Variants in ZNF276 observed in about 807,000 individuals in gnomAD.
ZNF276 encodes the protein zinc finger protein 276.
In ZNF276, 59 loss-of-function variants were observed where a neutral mutation model predicts 63.9. The observed-to-expected ratio is 0.92, with a 90% CI of 0.75 to 1.15. ZNF276 has a LOEUF of 1.15. Among genes scored for constraint, ZNF276 ranks in the 50% most tolerant of loss-of-function variants. ZNF276 has a pLI of 0.00. For missense variants in ZNF276, 1,084 were observed against 843.8 expected (o/e 1.28, Z -3.53); for synonymous variants, 496 against 348.4 (o/e 1.42, Z -4.72).
intron 9 of ZNF276, among the ~76,000 whole-genome samples, chr16:89,736,023 C>T (rs2151700235): frequency 6.6e-6 from 1 of 152,156 alleles, no homozygotes; most frequent in African/African-American, 2.4e-5. Context: ...TCCCAAATAG[C>T]TGGGACTACA....
At chr16:89,736,377 T>G (rs1156609485) in intron 9 of ZNF276, among the ~76,000 whole-genome samples, 1 of 147,394 alleles carries the variant, frequency 6.8e-6, no homozygotes, top group African/African-American at 2.5e-5. Flanking sequence ...CAGCCTGGAG[T>G]GCAGCTGTGC....
In ZNF276 at chr16:89,738,330, G is replaced by T; in HGVS notation, c.*84G>T. On this transcript the variant is annotated 3_prime_UTR_variant, in exon 11 of 11. Coordinates refer to ENST00000443381, the MANE Select transcript of ZNF276 (RefSeq NM_001113525.2). ...CTCACCCTTCGTGTGCACCCGCATG[G>T]GAGGGTCGGAGGGTGCTGCCCGCCC... 6.7e-7 allele frequency: 1 copy of T among 1,497,970 alleles called. No individual in the cohort carries two copies. The highest frequency in any genetic ancestry group is 1.3e-5 in the South Asian group (1 of 77,808). The allele number at this position is 1,497,970 out of a possible 1,614,324, so 92.8% of individuals were successfully genotyped here. A position where few individuals can be genotyped will look rare whatever the true frequency, so the allele number is the denominator to read the frequency against.
intron 6 of ZNF276, 138 bp from the exon 7 acceptor site, chr16:89,733,164 G>C (rs923737771): frequency 1.1e-5 from 9 of 809,082 alleles, no homozygotes; most frequent in Non-Finnish European, 1.8e-5. Flanking sequence ...GGTGGCTTCA[G>C]GTAGATTCTG....
At chr16:89,721,532 C>A, upstream of ZNF276, 1 of 1,157,266 alleles carries the variant, frequency 8.6e-7, no homozygotes. Context: ...CTCCGCCCCT[C>A]CCCCGCCCCG....
chr16:89,738,461 TC>T lies in ZNF276; in HGVS notation c.*216del. 7.0e-7 allele frequency: 1 copy of T among 1,436,518 alleles called. No homozygotes were observed. The highest frequency in any genetic ancestry group is 9.6e-7 in the Non-Finnish European group (1 of 1,045,734). 89.0% of individuals were successfully genotyped at this position (1,436,518 alleles called of 1,614,324 possible). A position where few individuals can be genotyped will look rare whatever the true frequency, so the allele number is the denominator to read the frequency against. ...GCTGAGTGACTCGGGGCCGGACAGT[TC>T]ATAAATAATTGATTCCTTTCCCCAC... On this transcript the variant is annotated 3_prime_UTR_variant, in exon 11 of 11. Transcript: ENST00000443381.
At chr16:89,729,347 G>A (rs1210972188) in intron 6 of ZNF276, 29 bp downstream of exon 6, 1 of 1,607,486 alleles carries the variant, frequency 6.2e-7, no homozygotes, top group African/African-American at 1.3e-5. Context: ...GTCTGCTGGA[G>A]GCATCCGTTG....
At chr16:89,729,021 C>T (rs890966202) in intron 5 of ZNF276, among the ~76,000 whole-genome samples, 4 of 152,230 alleles carry the variant, frequency 2.6e-5, no homozygotes, top group Non-Finnish European at 5.9e-5. Flanking sequence ...GCCCAGAGCA[C>T]ATGGCTTGTG....
At chr16:89,736,968 T>C (rs2061939591) in intron 9 of ZNF276, among the ~76,000 whole-genome samples, 1 of 152,128 alleles carries the variant, frequency 6.6e-6, no homozygotes, top group Non-Finnish European at 1.5e-5. Flanking sequence ...GAGAAAAGTC[T>C]GTCTTGTGAA....
intron 5 of ZNF276, among the ~76,000 whole-genome samples, chr16:89,728,312 C>T (rs1008474375): frequency 1.3e-5 from 2 of 151,928 alleles, no homozygotes; most frequent in Admixed American, 1.3e-4. Context: ...GCAAACTCCA[C>T]CTCCCGCGTT....
Position 89,739,451 on chromosome 16 carries a change from C to G in ZNF276, c.*1205C>G, listed in dbSNP as rs2062066162. On this transcript the variant is annotated 3_prime_UTR_variant, in exon 11 of 11. Transcript: ENST00000443381. ...GGGGGTCTGGGAAACACTGCCCAGCCCTGACCAGCCCTGTGGGTGGAGGTA... is the reference window on the plus strand; with the variant it reads ...GGGGGTCTGGGAAACACTGCCCAGCGCTGACCAGCCCTGTGGGTGGAGGTA... The G allele has an allele frequency of 2.6e-6, 4 of 1,551,970 alleles. No homozygotes were observed. The highest frequency in any genetic ancestry group is 3.5e-6 in the Non-Finnish European group (4 of 1,147,726).
rs747098545 is a variant in ZNF276 at position 89,739,908 on chromosome 16, C to CA, written c.*1664dup. On this transcript the variant is annotated 3_prime_UTR_variant, in exon 11 of 11. Coordinates refer to ENST00000443381, the MANE Select transcript of ZNF276 (RefSeq NM_001113525.2). ...TATAAACTTACTTAGCAAGGAACCT[C>CA]AAGGAGGGCTCGTTCTTAACCATTT... The CA allele has an allele frequency of 4.2e-5, 67 of 1,589,244 alleles. No homozygotes were observed. The highest frequency in any genetic ancestry group is 5.2e-5 in the Non-Finnish European group (61 of 1,165,218).
chr16:89,724,577 G>A (rs1353972028), intron 4 of ZNF276, among the ~76,000 whole-genome samples: 1 of 152,198 alleles, frequency 6.6e-6, no homozygotes, highest in Non-Finnish European at 1.5e-5. Context: ...AGCCTGGGAG[G>A]CGGAAGTTGC....
chr16:89,725,366 G>T (rs1299673429), intron 4 of ZNF276, among the ~76,000 whole-genome samples: 1 of 151,696 alleles, frequency 6.6e-6, no homozygotes, highest in Non-Finnish European at 1.5e-5. Flanking sequence ...ATTTTTAGTA[G>T]AGATGGGGTT....
At position 89,739,393 on chromosome 16, in the gene ZNF276, T is replaced by A; in HGVS notation, c.*1147T>A. ...TGTGGAGCAGAGGCACAGACAACCC[T>A]TCCCATCTGGCGGGACCCAGAGGTG... On this transcript the variant is annotated 3_prime_UTR_variant, in exon 11 of 11. Transcript: ENST00000443381. 6.4e-7 allele frequency: 1 copy of A among 1,573,668 alleles called. No homozygotes were observed. Among genetic ancestry groups the A allele is most frequent in the Non-Finnish European group, 8.7e-7 (1 of 1,155,260 alleles).
chr16:89,723,258 A>C lies in ZNF276; in HGVS notation c.557-2A>C, dbSNP rs1319069648. On this transcript the variant is annotated splice_acceptor_variant, in intron 3 of 10. Coordinates refer to ENST00000443381, the MANE Select transcript of ZNF276 (RefSeq NM_001113525.2). LOFTEE classifies it high-confidence loss of function. ...TCTGACATCTCTGTTGACTCTCTGCAGTGGATCTGATCACATCCAGCCCCC... is the reference window on the plus strand; with the variant it reads ...TCTGACATCTCTGTTGACTCTCTGCCGTGGATCTGATCACATCCAGCCCCC... The C allele has an allele frequency of 1.2e-6, 2 of 1,613,054 alleles. No homozygotes were observed. The highest frequency in any genetic ancestry group is 2.7e-5 in the African/African-American group (2 of 74,936).
At position 89,722,924 on chromosome 16, in the gene ZNF276, A is replaced by G. The variant is rs868659371; in HGVS notation, c.509+90A>G. 137 of 1,556,766 alleles carry G rather than the reference A, an allele frequency of 8.8e-5. No individual in the cohort carries two copies. The Middle Eastern group carries it at 1.0e-3, about 12-fold the overall frequency. Reference sequence around the variant, plus strand: ...GAGGGACAGGGCGTGCCTCCGCGGGAGCCTCTGGGTGGGGGGAATGGGCCA... The same window carrying G: ...GAGGGACAGGGCGTGCCTCCGCGGGGGCCTCTGGGTGGGGGGAATGGGCCA... On this transcript the variant is annotated intron_variant, in intron 2 of 10. Coordinates refer to ENST00000443381, the MANE Select transcript of ZNF276 (RefSeq NM_001113525.2).
chr16:89,740,723 C>T lies in ZNF276; in HGVS notation c.*2477C>T. On this transcript the variant is annotated 3_prime_UTR_variant, in exon 11 of 11. Coordinates refer to ENST00000443381, the MANE Select transcript of ZNF276 (RefSeq NM_001113525.2). ...GAGCTCCTGAGCTAGTCTGGAAACCCTGACTTGGAAGCTGGCTGCCTGGTG... is the reference window on the plus strand; with the variant it reads ...GAGCTCCTGAGCTAGTCTGGAAACCTTGACTTGGAAGCTGGCTGCCTGGTG... 8.1e-7 allele frequency: 1 copy of T among 1,228,186 alleles called. No homozygotes were observed. Among genetic ancestry groups the T allele is most frequent in the Non-Finnish European group, 1.2e-6 (1 of 839,434 alleles). 76.1% of individuals were successfully genotyped at this position (1,228,186 alleles called of 1,614,324 possible).
intron 9 of ZNF276, among the ~76,000 whole-genome samples, chr16:89,734,830 G>A (rs901701384): frequency 8.5e-5 from 13 of 152,182 alleles, no homozygotes; most frequent in Non-Finnish European, 1.9e-4. Context: ...TAATGCACAA[G>A]TTACTTTTAT....
At chr16:89,728,494 C>G (rs2061539626) in intron 5 of ZNF276, among the ~76,000 whole-genome samples, 1 of 152,200 alleles carries the variant, frequency 6.6e-6, no homozygotes, top group Admixed American at 6.5e-5. Flanking sequence ...AGCTCTGCCT[C>G]CCGGGTTCAC....
Sources: gnomAD v4.1 joint callset for allele counts (sites outside exome capture counted in the v4.1 genomes callset) on GRCh38, gnomAD v4.1.1 for gene constraint, MANE v1.5 for transcripts, NCBI Gene and HGNC (gene_info 2026-07-23, HGNC 2026-07-21) for gene names.